Variants in CDC42BPA observed in about 807,000 individuals in gnomAD.
The protein encoded by CDC42BPA is CDC42 binding protein kinase alpha.
In CDC42BPA, 80 loss-of-function variants were observed where a neutral mutation model predicts 223.5. That is an observed-to-expected ratio of 0.36 (90% confidence interval 0.30 to 0.43). The LOEUF (loss-of-function observed/expected upper bound fraction) is 0.43, where lower values mean the gene tolerates loss of function less well. CDC42BPA is among the 20% of genes least tolerant of loss of function. The probability of loss-of-function intolerance (pLI) is 1.00; values close to 1 mark genes in which losing one functional copy is unlikely to be tolerated. For synonymous variants in CDC42BPA, 694 were observed against 718.6 expected (o/e 0.97, Z 0.55); for missense variants, 1,743 against 2,099.9 (o/e 0.83, Z 3.32).
chr1:227,198,193 G>C (rs936486990), intron 4 of CDC42BPA, among the ~76,000 whole-genome samples: 2 of 151,916 alleles, frequency 1.3e-5, no homozygotes, highest in African/African-American at 2.4e-5. Context: ...GCTCATGCCT[G>C]TAATCCACAC....
chr1:227,000,655 C>CTTCTGGTCTT (rs1662631687), intron 35 of CDC42BPA, among the ~76,000 whole-genome samples: 1 of 152,174 alleles, frequency 6.6e-6, no homozygotes, highest in Non-Finnish European at 1.5e-5. Flanking sequence ...CCACACTGTG[C>CTTCTGGTCTT]TTCTGGTCTT....
chr1:227,233,607 A>G (rs1314525856), intron 2 of CDC42BPA, among the ~76,000 whole-genome samples: 3 of 152,130 alleles, frequency 2.0e-5, no homozygotes, highest in African/African-American at 7.2e-5. Flanking sequence ...CCAAGACCCC[A>G]ACAATTTTTA....
intron 1 of CDC42BPA, among the ~76,000 whole-genome samples, chr1:227,305,152 T>C (rs1559001403): frequency 6.6e-6 from 1 of 152,144 alleles, no homozygotes; most frequent in Non-Finnish European, 1.5e-5. Context: ...TGACAGAGCA[T>C]TAGGTAGGCT....
chr1:227,210,492 C>A (rs190050985), intron 3 of CDC42BPA, among the ~76,000 whole-genome samples: 4 of 152,152 alleles, frequency 2.6e-5, no homozygotes, highest in Admixed American at 2.0e-4. Context: ...TGAGTCTATT[C>A]CATCTTGTCT....
chr1:227,022,360 G>A (rs1263869701), intron 32 of CDC42BPA, among the ~76,000 whole-genome samples: 2 of 152,048 alleles, frequency 1.3e-5, no homozygotes, highest in Non-Finnish European at 2.9e-5. Context: ...TTGAACCCAG[G>A]AGAAGGAGGA....
At chr1:227,152,101 T>C (rs1661885803) in intron 6 of CDC42BPA, among the ~76,000 whole-genome samples, 1 of 152,126 alleles carries the variant, frequency 6.6e-6, no homozygotes, top group South Asian at 2.1e-4. Context: ...TGCTGACTTG[T>C]AGGAGTTTTT....
chr1:227,252,137 T>TA (rs1356191789), intron 2 of CDC42BPA, among the ~76,000 whole-genome samples: 1 of 151,732 alleles, frequency 6.6e-6, no homozygotes, highest in Non-Finnish European at 1.5e-5. Context: ...AATAGCAAGA[T>TA]AAAACCAAAG....
intron 1 of CDC42BPA, chr1:227,264,801 CAG>C (rs1684702326): frequency 2.4e-6 from 3 of 1,269,720 alleles, no homozygotes; most frequent in Middle Eastern, 4.6e-4. Flanking sequence ...ACCTCAGTGA[CAG>C]AATCTTCTTG....
chr1:227,098,550 C>A (rs1684428080), intron 15 of CDC42BPA, among the ~76,000 whole-genome samples: 1 of 152,100 alleles, frequency 6.6e-6, no homozygotes, highest in Admixed American at 6.5e-5. Flanking sequence ...CTGTAGTCGT[C>A]CTTTCTAGTA....
intron 3 of CDC42BPA, among the ~76,000 whole-genome samples, chr1:227,202,727 C>T (rs564182139): frequency 1.3e-5 from 2 of 148,686 alleles, no homozygotes; most frequent in African/African-American, 2.5e-5. Context: ...TGAAACCAGC[C>T]TGCCTGACAT....
chr1:227,311,954 A>G (rs776369250), intron 1 of CDC42BPA, among the ~76,000 whole-genome samples: 1 of 152,152 alleles, frequency 6.6e-6, no homozygotes, highest in Admixed American at 6.5e-5. Flanking sequence ...GTCCTTTTTG[A>G]AAAAATGAAC....
intron 1 of CDC42BPA, among the ~76,000 whole-genome samples, chr1:227,274,986 A>C (rs1228006445): frequency 6.6e-6 from 1 of 152,224 alleles, no homozygotes; most frequent in Non-Finnish European, 1.5e-5. Context: ...GGTAATTTTA[A>C]CACCTGTCTC....
chr1:227,056,526 C>T (rs1674592912), intron 21 of CDC42BPA, among the ~76,000 whole-genome samples: 1 of 152,006 alleles, frequency 6.6e-6, no homozygotes, highest in Non-Finnish European at 1.5e-5. Flanking sequence ...TAGCTGTGAA[C>T]ACAGGCATGT....
chr1:227,114,558 T>C (rs1382773862), intron 12 of CDC42BPA, among the ~76,000 whole-genome samples: 2 of 151,798 alleles, frequency 1.3e-5, no homozygotes, highest in Non-Finnish European at 2.9e-5. Context: ...TATAAGATTA[T>C]ACTATAAAAA....
intron 4 of CDC42BPA, 148 bp downstream of exon 4, chr1:227,199,409 A>C (rs558293487): frequency 2.0e-6 from 1 of 505,928 alleles, no homozygotes; most frequent in South Asian, 3.2e-5. Flanking sequence ...GAGAAAAAAA[A>C]ACACCACATA....
At chr1:227,256,655 G>A (rs1683074898) in intron 1 of CDC42BPA, among the ~76,000 whole-genome samples, 1 of 152,064 alleles carries the variant, frequency 6.6e-6, no homozygotes, top group African/African-American at 2.4e-5. Context: ...AATAACAAGT[G>A]ATGAAGAGGA....
chr1:227,079,804 T>C (rs1247798586), intron 17 of CDC42BPA, among the ~76,000 whole-genome samples: 4 of 152,104 alleles, frequency 2.6e-5, no homozygotes, highest in East Asian at 3.9e-4. Flanking sequence ...GATGAAACTA[T>C]AGGCTGGGTA....
At chr1:227,078,346 TC>T (rs1160522075) in intron 17 of CDC42BPA, among the ~76,000 whole-genome samples, 2 of 152,168 alleles carry the variant, frequency 1.3e-5, no homozygotes, top group Non-Finnish European at 2.9e-5. Context: ...CCAGCTCTGG[TC>T]AAAATAGTTT....
chr1:227,224,512 G>A (rs1676510838), intron 2 of CDC42BPA, among the ~76,000 whole-genome samples: 1 of 152,066 alleles, frequency 6.6e-6, no homozygotes, highest in South Asian at 2.1e-4. Flanking sequence ...GATTAGAGGT[G>A]TAGCCACCAC....
Sources: allele counts gnomAD v4.1 joint callset (sites outside exome capture counted in the v4.1 genomes callset), GRCh38; gene constraint gnomAD v4.1.1; transcripts MANE v1.5; gene names NCBI Gene and HGNC (gene_info 2026-07-23, HGNC 2026-07-21).